UNK: variants seen among roughly 807,000 people sequenced by gnomAD.
UNK encodes the protein unk zinc finger.
UNK carries 32 observed loss-of-function variants against 97.6 expected under a neutral mutation model. That is an observed-to-expected ratio of 0.33 (90% CI 0.25 to 0.44). The LOEUF (loss-of-function observed/expected upper bound fraction) is 0.44. Ranked by LOEUF, UNK falls within the 20% of genes least tolerant of loss-of-function variation. The pLI is 1.00. For synonymous variants in UNK, 441 were observed against 461.2 expected (o/e 0.96, Z 0.56); for missense variants, 771 against 1,098.4 (o/e 0.70, Z 4.21).
At chr17:75,786,209 C>T (rs2061709317) in intron 1 of UNK, among the ~76,000 whole-genome samples, 1 of 152,218 alleles carries the variant, frequency 6.6e-6, no homozygotes, top group African/African-American at 2.4e-5. Flanking sequence ...TCCTTTCTTA[C>T]TGGAGATCTT....
chr17:75,808,750 G>A (rs753761915), intron 1 of UNK, among the ~76,000 whole-genome samples: 1 of 152,074 alleles, frequency 6.6e-6, no homozygotes, highest in African/African-American at 2.4e-5. Context: ...TTTTAGGCTC[G>A]AGAGACTAAA....
chr17:75,791,829 T>C, intron 1 of UNK: 1 of 985,408 alleles, frequency 1.0e-6, no homozygotes, highest in Non-Finnish European at 1.2e-6. Context: ...GTTTCTATCA[T>C]CCTACAAAGA....
rs2062023481 is a variant in UNK, at chr17:75,817,093, C to T, written c.1104+181C>T. Among the ~76,000 whole-genome samples, 1 of 107,004 alleles carries T rather than the reference C, an allele frequency of 9.3e-6. No homozygotes were observed. Among genetic ancestry groups the T allele is most frequent in the African/African-American group, 2.5e-5 (1 of 40,432 alleles). 70.2% of individuals were successfully genotyped at this position (107,004 alleles called of 152,430 possible). A position where few individuals can be genotyped will look rare whatever the true frequency, so the allele number is the denominator to read the frequency against. ...GTCCAGGCCCGGGGGTGGGGTAGGG[C>T]AGTCCCCAGAGCCTGTGCTGATGAG... On this transcript the variant is annotated intron_variant, in intron 8 of 15. Transcript: ENST00000589666. This position sits in a 1 kb window ranked among gnomAD's most constrained non-coding sequence, Gnocchi z 5.8.
rs540513909 is a variant in UNK, at chr17:75,824,665, AC to A, written c.*250del. 983 of 206,226 alleles carry A rather than the reference AC, an allele frequency of 4.8e-3. 5 individuals carry two copies. The highest frequency in any genetic ancestry group is 4.6e-3 in the Non-Finnish European group (497 of 107,890). The allele number at this position is 206,226 out of a possible 1,614,324, so 12.8% of individuals were successfully genotyped here. On this transcript the variant is annotated 3_prime_UTR_variant, in exon 16 of 16. Coordinates refer to ENST00000589666, the MANE Select transcript of UNK (RefSeq NM_001080419.3). The surrounding 1 kb of genome is among the most constrained non-coding windows in gnomAD (Gnocchi z 4.9). Reference sequence around the variant, plus strand: ...TATAGACACACACTTTAAAAGACTTACCAAGCACTTTTTAAAAGAAGAAACT... The same window carrying A: ...TATAGACACACACTTTAAAAGACTTACAAGCACTTTTTAAAAGAAGAAACT...
intron 1 of UNK, among the ~76,000 whole-genome samples, chr17:75,791,354 C>A (rs764223876): frequency 6.6e-6 from 1 of 152,222 alleles, no homozygotes; most frequent in African/African-American, 2.4e-5. Context: ...TCATTAACTT[C>A]ACTTGATTGC....
At chr17:75,799,174 G>C (rs955355541) in intron 1 of UNK, among the ~76,000 whole-genome samples, 1 of 151,948 alleles carries the variant, frequency 6.6e-6, no homozygotes, top group Admixed American at 6.6e-5. Flanking sequence ...TAGCTGGGTG[G>C]GGTGGCAGGT....
At chr17:75,788,835 A>G (rs1278244715) in intron 1 of UNK, among the ~76,000 whole-genome samples, 1 of 152,200 alleles carries the variant, frequency 6.6e-6, no homozygotes, top group Non-Finnish European at 1.5e-5. Context: ...TTAATTTTGT[A>G]TAGTTTTATA....
At position 75,823,248 on chromosome 17, in the gene UNK, G is replaced by C. The variant is rs373011041; in HGVS notation, c.2020-17G>C. 5 of 1,584,630 alleles carry C rather than the reference G, an allele frequency of 3.2e-6. No homozygotes were observed. The highest frequency in any genetic ancestry group is 2.7e-5 in the African/African-American group (2 of 74,448). ...AGGGCAGGGCCATTGTGATGAGACT[G>C]TATGCTGGCCCCACAGGCTTGTGAT... On this transcript the variant is annotated splice_polypyrimidine_tract_variant and intron_variant, in intron 14 of 15. Transcript: ENST00000589666.
intron 1 of UNK, among the ~76,000 whole-genome samples, chr17:75,806,698 G>A (rs2061921519): frequency 6.6e-6 from 1 of 151,964 alleles, no homozygotes; most frequent in South Asian, 2.1e-4. Context: ...GCTTGAACCT[G>A]GGAGGCAGAG....
chr17:75,809,109 GGGGCGGGT>G (rs2061944981), intron 1 of UNK: 1 of 149,104 alleles, frequency 6.7e-6, no homozygotes, highest in East Asian at 2.0e-4. Flanking sequence ...CGGGGGCGGG[GGGGCGGGT>G]ATCTTCAGAA....
intron 1 of UNK, among the ~76,000 whole-genome samples, chr17:75,806,768 G>A (rs541742185): frequency 3.9e-5 from 6 of 152,108 alleles, no homozygotes; most frequent in South Asian, 4.1e-4. Flanking sequence ...GTGAGACTCC[G>A]TCTCAAAAAA....
chr17:75,814,816 T>C (rs1486876278), intron 6 of UNK, among the ~76,000 whole-genome samples: 1 of 152,242 alleles, frequency 6.6e-6, no homozygotes, highest in East Asian at 1.9e-4. Flanking sequence ...AGGGTTCACA[T>C]TGGCAGGGGT....
At chr17:75,788,956 T>G (rs1017759406) in intron 1 of UNK, among the ~76,000 whole-genome samples, 4 of 152,248 alleles carry the variant, frequency 2.6e-5, no homozygotes, top group African/African-American at 9.6e-5. Context: ...GCAAACACAG[T>G]TGAATACACT....
At chr17:75,823,186 T>C in intron 14 of UNK, 79 bp from the exon 15 acceptor site, 3 of 1,494,786 alleles carry the variant, frequency 2.0e-6, no homozygotes, top group South Asian at 1.4e-5. Context: ...GCAGCCAGAG[T>C]GGCCCCCAAA....
chr17:75,808,758 A>G (rs2061941578), intron 1 of UNK, among the ~76,000 whole-genome samples: 3 of 152,134 alleles, frequency 2.0e-5, no homozygotes, highest in Non-Finnish European at 2.9e-5. Context: ...TCGAGAGACT[A>G]AAGAGAACTA....
intron 3 of UNK, 44 bp downstream of exon 3, chr17:75,812,332 C>A: frequency 1.3e-6 from 2 of 1,589,390 alleles, no homozygotes; most frequent in South Asian, 2.3e-5. Context: ...AGGCTGGGGT[C>A]CAGGGCAGGG....
At position 75,817,317 on chromosome 17, in the gene UNK, T is replaced by C. The variant is rs113930559; in HGVS notation, c.1105-9T>C. 3.7e-3 allele frequency: 5,754 copies of C among 1,562,042 alleles called. 190 individuals are homozygous for C. The African/African-American group carries it at 0.068, about 18-fold the overall frequency. The stretch of plus-strand genomic sequence containing the variant: ...CCACGGGCCCACTCCCTCCCCTCCT[T>C]CTCCGCAGCTCCTCTGTAGAAACAG... On this transcript the variant is annotated splice_polypyrimidine_tract_variant and intron_variant, in intron 8 of 15. Coordinates refer to ENST00000589666, the MANE Select transcript of UNK (RefSeq NM_001080419.3). This position sits in a 1 kb window ranked among gnomAD's most constrained non-coding sequence, Gnocchi z 5.8.
chr17:75,787,823 CAA>C (rs534233194), intron 1 of UNK, among the ~76,000 whole-genome samples: 34 of 111,612 alleles, frequency 3.0e-4, no homozygotes, highest in Admixed American at 5.5e-4. Flanking sequence ...AGACTCGGTC[CAA>C]AAAAAAAAAA....
chr17:75,811,165 GGT>G (rs780237831), intron 2 of UNK, among the ~76,000 whole-genome samples: 19 of 147,948 alleles, frequency 1.3e-4, no homozygotes, highest in Middle Eastern at 3.8e-3. Flanking sequence ...TGTCCAAGCT[GGT>G]CTCAAACTCC....
Sources: gnomAD v4.1 joint callset for allele counts (sites outside exome capture counted in the v4.1 genomes callset) on GRCh38, gnomAD v4.1.1 for gene constraint, Gnocchi (gnomAD v3.1) non-coding constraint, MANE v1.5 for transcripts, NCBI Gene and HGNC (gene_info 2026-07-23, HGNC 2026-07-21) for gene names.